Variants in VANGL1 observed in about 807,000 individuals in gnomAD.
The protein encoded by VANGL1 is vang-like protein 1.
VANGL1 carries 18 observed loss-of-function variants against 48.4 expected under a neutral mutation model. The observed-to-expected ratio is 0.37, with a 90% CI of 0.26 to 0.55. The LOEUF (loss-of-function observed/expected upper bound fraction) is 0.55. Among genes scored for constraint, VANGL1 ranks in the 20% least tolerant of loss-of-function variants. VANGL1 has a pLI of 0.81. For missense variants in VANGL1, 667 were observed against 675.8 expected (o/e 0.99, Z 0.14); for synonymous variants, 257 against 261.8 (o/e 0.98, Z 0.18).
At chr1:115,682,290 A>G in intron 4 of VANGL1, 74 bp from the exon 5 acceptor site, 2 of 1,592,832 alleles carry the variant, frequency 1.3e-6, no homozygotes, top group East Asian at 2.2e-5. Context: ...CCTGACTCCA[A>G]AAGAGGATTT....
chr1:115,671,470 C>T lies in VANGL1; in HGVS notation c.812+7202C>T, dbSNP rs78527673. On this transcript the variant is annotated intron_variant, in intron 4 of 7. Coordinates refer to ENST00000355485, the MANE Select transcript of VANGL1 (RefSeq NM_138959.3). ...CTCAGACTCCAGACTTTTCATGGTG[C>T]GCTCCTTCCTGCTTACTCAGGAGGA... 4.8e-3 allele frequency: 728 copies of T among 152,398 alleles called. 5 individuals are homozygous for T. The highest frequency in any genetic ancestry group is 8.4e-3 in the Non-Finnish European group (573 of 68,090). The allele number at this position is 152,398 out of a possible 1,614,324, so 9.4% of individuals were successfully genotyped here.
intron 1 of VANGL1, among the ~76,000 whole-genome samples, chr1:115,643,810 A>G (rs769156864): frequency 9.9e-5 from 15 of 152,224 alleles, no homozygotes; most frequent in Admixed American, 8.5e-4. Context: ...AATGTGTTGA[A>G]TGAAGAAGGC....
chr1:115,646,493 C>CTTTTTTTTTT (rs34575210), intron 1 of VANGL1, among the ~76,000 whole-genome samples: 1 of 128,698 alleles, frequency 7.8e-6, no homozygotes, highest in Non-Finnish European at 1.6e-5. Context: ...AGTAGTATAG[C>CTTTTTTTTTT]TTTTTTTTTT....
Position 115,682,248 on chromosome 1 carries a change from T to C in VANGL1, c.813-116T>C, listed in dbSNP as rs552080894. On this transcript the variant is annotated intron_variant, in intron 4 of 7. Transcript: ENST00000355485. ...TGTGGTGGAACCCAGTGGACTTCTGTATGAGATTATCTTTGATGTTGTGTT... is the reference window on the plus strand; with the variant it reads ...TGTGGTGGAACCCAGTGGACTTCTGCATGAGATTATCTTTGATGTTGTGTT... The C allele has an allele frequency of 9.9e-6, 14 of 1,411,648 alleles. No homozygotes were observed. In the South Asian group the frequency reaches 1.6e-4, roughly 16 times the overall value. The allele number at this position is 1,411,648 out of a possible 1,614,324, so 87.4% of individuals were successfully genotyped here.
At chr1:115,687,050 A>G (rs1653663082) in intron 7 of VANGL1, among the ~76,000 whole-genome samples, 1 of 138,626 alleles carries the variant, frequency 7.2e-6, no homozygotes, top group Non-Finnish European at 1.6e-5. Flanking sequence ...CTATATGTGT[A>G]TCCTGCTGGT....
At chr1:115,651,520 G>T in intron 2 of VANGL1, 36 bp downstream of exon 2, 12 of 1,596,420 alleles carry the variant, frequency 7.5e-6, no homozygotes, top group Non-Finnish European at 9.4e-6. Flanking sequence ...TTTTCCTTTT[G>T]GGGAAACCTA....
At chr1:115,687,838 C>T in intron 7 of VANGL1, among the ~76,000 whole-genome samples, 1 of 134,476 alleles carries the variant, frequency 7.4e-6, no homozygotes, top group Admixed American at 7.8e-5. Context: ...GTTGGCCAGG[C>T]TGGTCTAGAA....
chr1:115,673,007 T>C (rs1653038681), intron 4 of VANGL1, among the ~76,000 whole-genome samples: 1 of 152,202 alleles, frequency 6.6e-6, no homozygotes, highest in Admixed American at 6.5e-5. Flanking sequence ...AAGCATCAGC[T>C]ATTGCACCCT....
chr1:115,659,815 C>T lies in VANGL1; in HGVS notation c.204+42C>T, dbSNP rs199887900. 8.0e-4 allele frequency: 1,283 copies of T among 1,613,596 alleles called. 1 individual carries two copies. The highest frequency in any genetic ancestry group is 1.0e-3 in the Non-Finnish European group (1,224 of 1,179,638). On this transcript the variant is annotated intron_variant, in intron 3 of 7. Coordinates refer to ENST00000355485, the MANE Select transcript of VANGL1 (RefSeq NM_138959.3). ...GTCTGTAAGCACACTGCCACTTGGC[C>T]AAGACTCCTGTCTGTAAATGTTTTC... is the stretch of plus-strand genomic sequence containing the variant.
intron 2 of VANGL1, among the ~76,000 whole-genome samples, chr1:115,652,536 A>C (rs925645872): frequency 1.3e-5 from 2 of 152,256 alleles, no homozygotes; most frequent in African/African-American, 2.4e-5. Flanking sequence ...AACACAGTAC[A>C]GGCTGGAGGT....
At chr1:115,667,690 C>A (rs964437423) in intron 4 of VANGL1, among the ~76,000 whole-genome samples, 2 of 152,228 alleles carry the variant, frequency 1.3e-5, no homozygotes, top group Non-Finnish European at 1.5e-5. Flanking sequence ...TCCATACACA[C>A]CTTGCTCGTC....
intron 4 of VANGL1, among the ~76,000 whole-genome samples, chr1:115,674,013 T>A (rs1557771240): frequency 6.6e-6 from 1 of 152,106 alleles, no homozygotes. Flanking sequence ...AGATGCAAAT[T>A]TTGGGAGACA....
At chr1:115,685,606 C>G (rs1653575896) in intron 7 of VANGL1, 79 bp downstream of exon 7, 1 of 1,414,696 alleles carries the variant, frequency 7.1e-7, no homozygotes, top group Non-Finnish European at 9.8e-7. Context: ...TAGCGTGTTA[C>G]TAGAAGTGAT....
intron 2 of VANGL1, among the ~76,000 whole-genome samples, chr1:115,654,512 A>AAG: frequency 6.6e-6 from 1 of 151,718 alleles, no homozygotes; most frequent in Non-Finnish European, 1.5e-5. Context: ...AAAAAAAAAA[A>AAG]AAAAAAAAAA....
chr1:115,654,339 A>G, intron 2 of VANGL1, among the ~76,000 whole-genome samples: 1 of 151,808 alleles, frequency 6.6e-6, no homozygotes, highest in East Asian at 1.9e-4. Context: ...GTTTTCTAAC[A>G]AAGAGGTCAG....
At chr1:115,654,185 G>T (rs902365282) in intron 2 of VANGL1, among the ~76,000 whole-genome samples, 3 of 152,168 alleles carry the variant, frequency 2.0e-5, no homozygotes, top group Non-Finnish European at 4.4e-5. Flanking sequence ...GCGGGTTGGG[G>T]TTGGAGGGGG....
chr1:115,678,025 G>T (rs1653231194), intron 4 of VANGL1, among the ~76,000 whole-genome samples: 1 of 152,180 alleles, frequency 6.6e-6, no homozygotes, highest in South Asian at 2.1e-4. Context: ...AGGCCTGTGG[G>T]AATTCTAAGA....
Position 115,689,661 on chromosome 1 carries a change from TA to T in VANGL1, c.1315-1453del, listed in dbSNP as rs1484267490. On this transcript the variant is annotated intron_variant, in intron 7 of 7. Coordinates refer to ENST00000355485, the MANE Select transcript of VANGL1 (RefSeq NM_138959.3). ...CAAAAAAAAAAAAGAGGATACTAGT[TA>T]AAAACTGTTCTTCGCCAGGTGCAGT... Among the ~76,000 whole-genome samples, 12 of 130,402 alleles carry T rather than the reference TA, an allele frequency of 9.2e-5. 1 individual carries two copies. In the South Asian group the frequency reaches 2.6e-3, roughly 29 times the overall value. The allele number at this position is 130,402 out of a possible 152,430, so 85.5% of individuals were successfully genotyped here.
At chr1:115,685,650 A>G in intron 7 of VANGL1, 123 bp downstream of exon 7, 1 of 1,005,414 alleles carries the variant, frequency 9.9e-7, no homozygotes, top group South Asian at 1.4e-5. Flanking sequence ...CTCAAGTAAT[A>G]AGAATTAGTG....
Sources: gnomAD v4.1 joint callset for allele counts (sites outside exome capture counted in the v4.1 genomes callset) on GRCh38, gnomAD v4.1.1 for gene constraint, MANE v1.5 for transcripts, NCBI Gene and HGNC (gene_info 2026-07-23, HGNC 2026-07-21) for gene names.